The following ARB2A variants were observed in gnomAD, a reference collection of about 807,000 sequenced individuals.
ARB2A encodes the protein ARB2 cotranscriptional regulator A.
At chr5:94,053,072 TATAG>T in the ARB2A span, 46,919 of 637,416 alleles carry the variant, frequency 0.074, 1,549 homozygotes, top group African/African-American at 0.09. Flanking sequence ...TTGCATATAC[TATAG>T]ATAGATAGAT....
chr5:93,820,591 A>G, the ARB2A span, among the ~76,000 whole-genome samples: 2 of 152,216 alleles, frequency 1.3e-5, no homozygotes, highest in Non-Finnish European at 2.9e-5. Context: ...ATTATGGTTA[A>G]TAATTCTATT....
the ARB2A span, among the ~76,000 whole-genome samples, chr5:93,858,055 A>G: frequency 3.9e-5 from 6 of 152,206 alleles, no homozygotes; most frequent in Non-Finnish European, 7.4e-5. Context: ...AAATCAGCAA[A>G]GAGAAAAGGC....
At chr5:93,784,728 C>T in the ARB2A span, among the ~76,000 whole-genome samples, 17 of 152,182 alleles carry the variant, frequency 1.1e-4, no homozygotes, top group East Asian at 2.5e-3. Context: ...CTTAGAACTA[C>T]GCAGCTCTAT....
the ARB2A span, among the ~76,000 whole-genome samples, chr5:94,037,339 G>T: frequency 2.6e-5 from 4 of 152,054 alleles, no homozygotes; most frequent in African/African-American, 9.7e-5. Context: ...AACAAATTCT[G>T]GGCCAATGGT....
the ARB2A span, among the ~76,000 whole-genome samples, chr5:93,902,662 GA>G: frequency 1.3e-5 from 2 of 152,106 alleles, no homozygotes; most frequent in Non-Finnish European, 2.9e-5. Flanking sequence ...GAGAGTAGCA[GA>G]TTAGTTAAGA....
chr5:93,918,439 T>C, the ARB2A span, among the ~76,000 whole-genome samples: 2 of 146,772 alleles, frequency 1.4e-5, no homozygotes, highest in Non-Finnish European at 3.0e-5. Flanking sequence ...TCTTTTTTTT[T>C]TTTTTTTTTT....
the ARB2A span, among the ~76,000 whole-genome samples, chr5:93,922,660 GAGGA>G: frequency 1.2e-4 from 8 of 67,120 alleles, no homozygotes; most frequent in African/African-American, 2.2e-4. Context: ...GGGAGGGAGG[GAGGA>G]AGGGAGGGAG....
At chr5:93,834,988 A>C in the ARB2A span, among the ~76,000 whole-genome samples, 1 of 152,234 alleles carries the variant, frequency 6.6e-6, no homozygotes, top group Non-Finnish European at 1.5e-5. Flanking sequence ...AACTTGATTT[A>C]AACTCGATGA....
the ARB2A span, among the ~76,000 whole-genome samples, chr5:94,057,598 A>C: frequency 1.3e-5 from 2 of 152,252 alleles, no homozygotes; most frequent in Admixed American, 1.3e-4. Context: ...CTTTATTTTT[A>C]AAAACTGTAT....
the ARB2A span, among the ~76,000 whole-genome samples, chr5:93,950,821 G>A: frequency 1.3e-5 from 2 of 151,672 alleles, no homozygotes; most frequent in Admixed American, 6.6e-5. Context: ...GTGCATGCCT[G>A]TAATCCCAGC....
At chr5:94,032,244 G>C in the ARB2A span, among the ~76,000 whole-genome samples, 5 of 152,208 alleles carry the variant, frequency 3.3e-5, no homozygotes, top group East Asian at 9.7e-4. Context: ...TTGGCTCATG[G>C]TTCTTCAGGC....
the ARB2A span, among the ~76,000 whole-genome samples, chr5:93,922,217 G>A: frequency 6.6e-6 from 1 of 152,092 alleles, no homozygotes; most frequent in Non-Finnish European, 1.5e-5. Context: ...TCCAGATGTT[G>A]TGCATAACTT....
At chr5:94,106,944 T>C in the ARB2A span, among the ~76,000 whole-genome samples, 2 of 146,056 alleles carry the variant, frequency 1.4e-5, no homozygotes, top group Non-Finnish European at 1.5e-5. Flanking sequence ...TAAGTATACA[T>C]GGAGAAAGAA....
chr5:93,947,507 TC>T, the ARB2A span, among the ~76,000 whole-genome samples: 1 of 71,230 alleles, frequency 1.4e-5, no homozygotes, highest in Non-Finnish European at 3.7e-5. Flanking sequence ...CACTGTATCT[TC>T]TTTTTATTAT....
At chr5:93,864,119 G>T in the ARB2A span, among the ~76,000 whole-genome samples, 5 of 152,108 alleles carry the variant, frequency 3.3e-5, no homozygotes, top group Non-Finnish European at 5.9e-5. Flanking sequence ...AGAAATAATG[G>T]TTTTTAATGA....
chr5:93,768,364 G>C, the ARB2A span, among the ~76,000 whole-genome samples: 1 of 151,154 alleles, frequency 6.6e-6, no homozygotes, highest in South Asian at 2.1e-4. Context: ...AAACAGAATT[G>C]GTCTTTAGAA....
At chr5:93,916,680 C>T in the ARB2A span, among the ~76,000 whole-genome samples, 1 of 152,034 alleles carries the variant, frequency 6.6e-6, no homozygotes. Context: ...AGCCCCCTTC[C>T]CTCAGAACCC....
the ARB2A span, among the ~76,000 whole-genome samples, chr5:93,947,916 T>C: frequency 6.6e-5 from 10 of 152,016 alleles, no homozygotes; most frequent in African/African-American, 1.2e-4. Flanking sequence ...CAGTCTATCA[T>C]TGTCGGACAT....
At chr5:93,747,306 T>C in the ARB2A span, among the ~76,000 whole-genome samples, 2 of 152,144 alleles carry the variant, frequency 1.3e-5, no homozygotes, top group Non-Finnish European at 2.9e-5. Flanking sequence ...TTGATGCTAT[T>C]ACCATCACAA....
Sources: allele counts gnomAD v4.1 joint callset (sites outside exome capture counted in the v4.1 genomes callset), GRCh38; gene constraint gnomAD v4.1.1; transcripts MANE v1.5; gene names NCBI Gene and HGNC (gene_info 2026-07-23, HGNC 2026-07-21).